Variants in MMP15 observed in about 807,000 individuals in gnomAD.
The protein encoded by MMP15 is matrix metallopeptidase 15, also known as matrix metalloproteinase-15.
In MMP15, 36 loss-of-function variants were observed where a neutral mutation model predicts 65.0. That is an observed-to-expected ratio of 0.55 (90% CI 0.42 to 0.73). The LOEUF is 0.73. MMP15 is among the 30% of genes least tolerant of loss of function. The probability of loss-of-function intolerance (pLI) is 0.00; values close to 1 mark genes in which losing one functional copy is unlikely to be tolerated. For synonymous variants in MMP15, 428 were observed against 410.2 expected, an observed-to-expected ratio of 1.04 and a Z score of -0.52; for missense variants, 870 against 987.8, an observed-to-expected ratio of 0.88 and a Z score of 1.60.
chr16:58,037,540 G>T lies in MMP15; in HGVS notation c.231G>T (p.Gln77His), dbSNP rs1410682927. The change falls in exon 2 of 10, where the codon CAG becomes CAT. Residue 77 changes from glutamine (Q) to histidine (H), a missense_variant. Gln to His is a conservative substitution (Grantham distance 24). Coordinates refer to ENST00000219271, the MANE Select transcript of MMP15 (RefSeq NM_002428.4). ...SRHMSTMRSA[Q>H]ILASALAEMQ... The stretch of plus-strand genomic sequence containing the variant: ...ATATGTCCACCATGCGTTCCGCCCA[G>T]ATCTTGGCCTCGGCCCTTGCAGAGA... 1 of 1,614,218 alleles carries T rather than the reference G, an allele frequency of 6.2e-7. No homozygotes were observed. Among genetic ancestry groups the T allele is most frequent in the South Asian group, 1.1e-5 (1 of 91,086 alleles).
chr16:58,035,159 C>A (rs181454768), intron 1 of MMP15, among the ~76,000 whole-genome samples: 103 of 152,356 alleles, frequency 6.8e-4, no homozygotes, highest in African/African-American at 2.5e-3. Flanking sequence ...TAAGCACCTT[C>A]AGGGAAACTG....
In MMP15 at chr16:58,046,034, C is replaced by T. The variant is rs1009494886; in HGVS notation, c.*588C>T. ...TCTGACAGCCTCAGTGACCCTGGCTCCTTGTGCCAGAGAACCCAGCCCACC... is the reference window on the plus strand; with the variant it reads ...TCTGACAGCCTCAGTGACCCTGGCTTCTTGTGCCAGAGAACCCAGCCCACC... On this transcript the variant is annotated 3_prime_UTR_variant, in exon 10 of 10. Coordinates refer to ENST00000219271, the MANE Select transcript of MMP15 (RefSeq NM_002428.4). 9 of 153,054 alleles carry T rather than the reference C, an allele frequency of 5.9e-5. No individual in the cohort carries two copies. Among genetic ancestry groups the T allele is most frequent in the African/African-American group, 1.9e-4 (8 of 41,448 alleles). 9.5% of individuals were successfully genotyped at this position (153,054 alleles called of 1,614,324 possible). A position where few individuals can be genotyped will look rare whatever the true frequency, so the allele number is the denominator to read the frequency against.
rs1488703094 is a variant in MMP15 at position 58,041,688 on chromosome 16, G to A, written c.982G>A (p.Asp328Asn). 1 of 1,579,000 alleles carries A rather than the reference G, an allele frequency of 6.3e-7. No individual in the cohort carries two copies. The highest frequency in any genetic ancestry group is 1.1e-5 in the South Asian group (1 of 87,226). Residue 328 changes from aspartate (D) to asparagine (N), a missense_variant, in exon 6 of 10, where the codon GAC becomes AAC. Physicochemically the swap from Asp to Asn is conservative, Grantham distance 23 (BLOSUM62 1). Transcript: ENST00000219271. ...GACGCCACGGCGGCCAGGCCGGCCTGACCACCGGCCGCCCCGGCCTCCCCA... is the reference window on the plus strand; with the variant it reads ...GACGCCACGGCGGCCAGGCCGGCCTAACCACCGGCCGCCCCGGCCTCCCCA... ...TVTPRRPGRP[D>N]HRPPRPPQPP...
rs888919140 is a variant in MMP15, at chr16:58,026,350, C to T, written c.-1C>T. 82 of 1,347,084 alleles carry T rather than the reference C, an allele frequency of 6.1e-5. No individual in the cohort carries two copies. The highest frequency in any genetic ancestry group is 2.2e-4 in the South Asian group (12 of 54,996). The allele number at this position is 1,347,084 out of a possible 1,614,324, so 83.4% of individuals were successfully genotyped here. On this transcript the variant is annotated 5_prime_UTR_variant, in exon 1 of 10. Coordinates refer to ENST00000219271, the MANE Select transcript of MMP15 (RefSeq NM_002428.4). ...TCCGAGCTGGGCTGGGCGCCGAGAG[C>T]ATGGGCAGCGACCCGAGCGCGCCCG...
intron 2 of MMP15, 86 bp from the exon 3 acceptor site, chr16:58,038,180 C>CCGGAAGTGG (rs1157282285): frequency 5.1e-6 from 8 of 1,560,052 alleles, no homozygotes; most frequent in South Asian, 1.2e-5. Flanking sequence ...GCTGGGAAGC[C>CCGGAAGTGG]CGGAAGTGGC....
intron 5 of MMP15, 199 bp downstream of exon 5, chr16:58,040,897 C>T (rs1184221663): frequency 1.7e-5 from 13 of 774,914 alleles, no homozygotes; most frequent in Non-Finnish European, 2.6e-5. Flanking sequence ...AGGGCCTGGG[C>T]CTCACTCGAG....
At chr16:58,029,769 C>T (rs1963870499) in intron 1 of MMP15, among the ~76,000 whole-genome samples, 1 of 152,104 alleles carries the variant, frequency 6.6e-6, no homozygotes, top group Admixed American at 6.6e-5. Flanking sequence ...TAAAAGATAT[C>T]CATGAATGTG....
chr16:58,032,059 G>C (rs1597062342), intron 1 of MMP15, among the ~76,000 whole-genome samples: 1 of 151,974 alleles, frequency 6.6e-6, no homozygotes, highest in East Asian at 1.9e-4. Flanking sequence ...GTAGAGACAG[G>C]GTTTCACTGT....
intron 1 of MMP15, among the ~76,000 whole-genome samples, chr16:58,034,481 C>T (rs535272348): frequency 1.3e-5 from 2 of 152,220 alleles, no homozygotes; most frequent in South Asian, 4.1e-4. Flanking sequence ...AGCTCACAGT[C>T]CTATGGGTGG....
chr16:58,026,856 C>T (rs1963824643), intron 1 of MMP15, among the ~76,000 whole-genome samples: 1 of 152,236 alleles, frequency 6.6e-6, no homozygotes, highest in African/African-American at 2.4e-5. Context: ...TCCTTCCCTC[C>T]AGGGCAGCCG....
chr16:58,036,154 A>C (rs1597063820), intron 1 of MMP15, among the ~76,000 whole-genome samples: 2 of 152,310 alleles, frequency 1.3e-5, no homozygotes, highest in African/African-American at 4.8e-5. Flanking sequence ...GGAGACCCCC[A>C]GAGACCCAGA....
At chr16:58,042,144 C>A in intron 6 of MMP15, 87 bp from the exon 7 acceptor site, 2 of 1,508,348 alleles carry the variant, frequency 1.3e-6, no homozygotes, top group Non-Finnish European at 1.8e-6. Context: ...GGCCCACCCT[C>A]ACCTGGGAAG....
chr16:58,043,076 G>A (rs1959486030), intron 7 of MMP15, 134 bp from the exon 8 acceptor site: 6 of 832,926 alleles, frequency 7.2e-6, no homozygotes, highest in South Asian at 1.9e-5. Context: ...ATGTGCGGGT[G>A]ACCTCATTGT....
intron 1 of MMP15, among the ~76,000 whole-genome samples, chr16:58,027,494 A>G (rs904146880): frequency 2.0e-5 from 3 of 152,290 alleles, no homozygotes; most frequent in African/African-American, 7.2e-5. Flanking sequence ...GTAGGGAGAA[A>G]GAACCACCCC....
Position 58,026,119 on chromosome 16 carries a change from C to T in MMP15, c.-232C>T, listed in dbSNP as rs1963809599. The T allele has an allele frequency of 2.5e-6, 1 of 400,656 alleles. No homozygotes were observed. Among genetic ancestry groups the T allele is most frequent in the Admixed American group, 4.6e-5 (1 of 21,920 alleles). The allele number at this position is 400,656 out of a possible 1,614,324, so 24.8% of individuals were successfully genotyped here. On this transcript the variant is annotated 5_prime_UTR_variant, in exon 1 of 10. Transcript: ENST00000219271. ...GGCTGCGGAACCTCGCCGGGGGCAG[C>T]TCCGGTCGGCCCCCTTTCCCGCCGG...
chr16:58,043,309 C>T lies in MMP15; in HGVS notation c.1403C>T (p.Thr468Met), dbSNP rs751230902. Residue 468 changes from threonine (T) to methionine (M), a missense_variant, in exon 8 of 10, where the codon ACG (threonine) becomes ATG (methionine). By Grantham distance (81) the Thr-to-Met change is moderately conservative (BLOSUM62 -1). Coordinates refer to ENST00000219271, the MANE Select transcript of MMP15 (RefSeq NM_002428.4). ...GGCATCCCCTATGACCGCATTGACA[C>T]GGCCATCTGGTGGGAGCCCACAGGC... ...GLGIPYDRID[T>M]AIWWEPTGHT... The T allele has an allele frequency of 2.4e-5, 38 of 1,605,538 alleles. No homozygotes were observed. Among genetic ancestry groups the T allele is most frequent in the African/African-American group, 2.0e-4 (15 of 74,704 alleles).
Position 58,040,531 on chromosome 16 carries a change from CA to C in MMP15, c.749-2del. 6.2e-7 allele frequency: 1 copy of C among 1,611,624 alleles called. No individual in the cohort carries two copies. The highest frequency in any genetic ancestry group is 8.5e-7 in the Non-Finnish European group (1 of 1,179,826). On this transcript the variant is annotated splice_region_variant and splice_polypyrimidine_tract_variant and intron_variant, in intron 4 of 9. Coordinates refer to ENST00000219271, the MANE Select transcript of MMP15 (RefSeq NM_002428.4). ...GACTGTGCTGCCCTCCTTCTCTCCC[CA>C]AAAGGAAACAACCTCTTCCTGGTGG...
chr16:58,031,450 G>A (rs568988661), intron 1 of MMP15, among the ~76,000 whole-genome samples: 3 of 151,140 alleles, frequency 2.0e-5, no homozygotes, highest in South Asian at 2.1e-4. Context: ...GGACAGCCCC[G>A]TCTAGGAGTC....
At position 58,041,699 on chromosome 16, in the gene MMP15, GC is replaced by G; in HGVS notation, c.997del (p.Arg333GlyfsTer122). On this transcript the variant is annotated frameshift_variant, in exon 6 of 10. Coordinates refer to ENST00000219271, the MANE Select transcript of MMP15 (RefSeq NM_002428.4). LOFTEE classifies it high-confidence loss of function. ...RRPGRPDHRP[P>X]RPPQPPPPGG... ...GGCCAGGCCGGCCTGACCACCGGCC[GC>G]CCCGGCCTCCCCAGCCACCACCCCC... 6.3e-7 allele frequency: 1 copy of G among 1,579,880 alleles called. No homozygotes were observed. The highest frequency in any genetic ancestry group is 8.6e-7 in the Non-Finnish European group (1 of 1,163,108).
Sources: gnomAD v4.1 joint callset for allele counts (sites outside exome capture counted in the v4.1 genomes callset) on GRCh38, gnomAD v4.1.1 for gene constraint, MANE v1.5 for transcripts, NCBI Gene and HGNC (gene_info 2026-07-23, HGNC 2026-07-21) for gene names.